Variants in EIF2B3 observed in about 807,000 individuals in gnomAD.
The protein encoded by EIF2B3 is translation initiation factor eIF2B subunit gamma.
A neutral mutation model predicts 54.1 loss-of-function variants in EIF2B3; 20 were observed. That is an observed-to-expected ratio of 0.37 (90% CI 0.26 to 0.54). EIF2B3 has a LOEUF of 0.54. EIF2B3 is among the 20% of genes least tolerant of loss of function. The probability of loss-of-function intolerance (pLI) is 0.86; values close to 1 mark genes in which losing one functional copy is unlikely to be tolerated. For synonymous variants in EIF2B3, 153 were observed against 188.1 expected (o/e 0.81, Z 1.52); for missense variants, 448 against 547.8 (o/e 0.82, Z 1.82).
At chr1:44,968,291 A>G (rs919185367) in intron 3 of EIF2B3, among the ~76,000 whole-genome samples, 3 of 148,844 alleles carry the variant, frequency 2.0e-5, no homozygotes, top group Admixed American at 6.7e-5. Context: ...GCTTGAGCCC[A>G]GGAGGTCAGG....
intron 5 of EIF2B3, among the ~76,000 whole-genome samples, chr1:44,908,575 G>A (rs1450857789): frequency 1.3e-5 from 2 of 152,204 alleles, no homozygotes; most frequent in South Asian, 2.1e-4. Flanking sequence ...CTGATAGAAT[G>A]TTGAGAATGG....
At chr1:44,931,064 A>G (rs1366615897) in intron 4 of EIF2B3, among the ~76,000 whole-genome samples, 2 of 152,202 alleles carry the variant, frequency 1.3e-5, no homozygotes, top group Non-Finnish European at 2.9e-5. Flanking sequence ...CTTCTAACCA[A>G]CAGAACGTGG....
intron 5 of EIF2B3, among the ~76,000 whole-genome samples, chr1:44,899,038 CT>C (rs1178094440): frequency 2.0e-5 from 3 of 152,156 alleles, no homozygotes; most frequent in African/African-American, 7.2e-5. Flanking sequence ...CTAGGCTAAT[CT>C]TGAACTCCCA....
rs1194645004 is a variant in EIF2B3, at chr1:44,919,883, C to CTTTTTTTTTTTTTTT, written c.566+6730_566+6744dup. On this transcript the variant is annotated intron_variant, in intron 5 of 11. Coordinates refer to ENST00000360403, the MANE Select transcript of EIF2B3 (RefSeq NM_020365.5). The stretch of plus-strand genomic sequence containing the variant: ...ACGCATGCGACAACATGCCTGGCTA[C>CTTTTTTTTTTTTTTT]TTTTTTTTTTTTTTTTTTAGTAGAT... Among the ~76,000 whole-genome samples the CTTTTTTTTTTTTTTT allele has an allele frequency of 8.5e-3, 995 of 117,034 alleles. 52 individuals carry two copies. The highest frequency in any genetic ancestry group is 0.013 in the Non-Finnish European group (706 of 54,308). 76.8% of individuals were successfully genotyped at this position (117,034 alleles called of 152,430 possible).
chr1:44,867,482 G>A (rs1001986838), intron 10 of EIF2B3, among the ~76,000 whole-genome samples: 5 of 152,070 alleles, frequency 3.3e-5, no homozygotes, highest in Non-Finnish European at 7.4e-5. Flanking sequence ...AAGCTTTCAA[G>A]CCTCAGCAGC....
chr1:44,926,812 C>G (rs929017324), intron 4 of EIF2B3, 73 bp from the exon 5 acceptor site: 5 of 1,242,548 alleles, frequency 4.0e-6, no homozygotes, highest in Non-Finnish European at 5.8e-6. Flanking sequence ...CCAGGGAACA[C>G]AGTATCTGCT....
intron 4 of EIF2B3, among the ~76,000 whole-genome samples, chr1:44,940,451 T>A (rs1644007669): frequency 6.6e-6 from 1 of 152,058 alleles, no homozygotes; most frequent in African/African-American, 2.4e-5. Flanking sequence ...AAGTATGTTA[T>A]AATCCTAGGA....
chr1:44,869,148 ATAAT>A (rs1323711516), intron 10 of EIF2B3, among the ~76,000 whole-genome samples: 3 of 152,214 alleles, frequency 2.0e-5, no homozygotes, highest in Non-Finnish European at 4.4e-5. Flanking sequence ...AACAACAACA[ATAAT>A]AAATAAATAA....
chr1:44,869,741 T>C (rs549020185), intron 10 of EIF2B3, among the ~76,000 whole-genome samples: 20 of 151,522 alleles, frequency 1.3e-4, no homozygotes, highest in Admixed American at 4.0e-4. Context: ...TCTGGGACTA[T>C]AGGCGCGAGC....
In EIF2B3 at chr1:44,941,436, C is replaced by T. The variant is rs934502303; in HGVS notation, c.454+70G>A. ...AGTAGATTCTTAATAAATGTTTTTT[C>T]AGGGAAAGCATGAGTGAGAATAATA... On this transcript the variant is annotated intron_variant, in intron 4 of 11. Coordinates refer to ENST00000360403, the MANE Select transcript of EIF2B3 (RefSeq NM_020365.5). The T allele has an allele frequency of 1.1e-5, 16 of 1,508,402 alleles. No homozygotes were observed. In the East Asian group the frequency reaches 3.4e-4, roughly 32 times the overall value. 93.4% of individuals were successfully genotyped at this position (1,508,402 alleles called of 1,614,324 possible).
chr1:44,897,923 A>C (rs1656031402), intron 5 of EIF2B3, among the ~76,000 whole-genome samples: 1 of 151,756 alleles, frequency 6.6e-6, no homozygotes, highest in Non-Finnish European at 1.5e-5. Flanking sequence ...TTTAGTAGAG[A>C]TGGGGTTTCA....
intron 8 of EIF2B3, among the ~76,000 whole-genome samples, chr1:44,876,109 G>A (rs1655127622): frequency 6.6e-6 from 1 of 152,200 alleles, no homozygotes; most frequent in South Asian, 2.1e-4. Flanking sequence ...AGGCTGGAGT[G>A]CAGTGGCGTG....
chr1:44,887,608 C>T (rs892465274), intron 6 of EIF2B3, among the ~76,000 whole-genome samples: 1 of 152,202 alleles, frequency 6.6e-6, no homozygotes, highest in African/African-American at 2.4e-5. Flanking sequence ...TACTGATATG[C>T]AGACGCTTCT....
At chr1:44,962,869 T>C (rs1417076529) in intron 3 of EIF2B3, among the ~76,000 whole-genome samples, 1 of 152,194 alleles carries the variant, frequency 6.6e-6, no homozygotes, top group Non-Finnish European at 1.5e-5. Context: ...TGCCTCACAG[T>C]ATAGCAACAA....
At chr1:44,935,004 C>T (rs1643932671) in intron 4 of EIF2B3, among the ~76,000 whole-genome samples, 1 of 152,192 alleles carries the variant, frequency 6.6e-6, no homozygotes, top group South Asian at 2.1e-4. Flanking sequence ...TAAGAGGTGA[C>T]AGCCAAGTAA....
At chr1:44,982,953 A>G (rs926894190) in intron 1 of EIF2B3, among the ~76,000 whole-genome samples, 1 of 152,076 alleles carries the variant, frequency 6.6e-6, no homozygotes, top group African/African-American at 2.4e-5. Flanking sequence ...TATTTTTAGT[A>G]GAGACAGGGT....
chr1:44,932,785 G>A (rs1239881964), intron 4 of EIF2B3, among the ~76,000 whole-genome samples: 1 of 152,070 alleles, frequency 6.6e-6, no homozygotes, highest in South Asian at 2.1e-4. Context: ...ATTTTGAGGG[G>A]ATATGATTTC....
intron 5 of EIF2B3, among the ~76,000 whole-genome samples, chr1:44,919,463 T>C (rs1643692083): frequency 6.6e-6 from 1 of 152,160 alleles, no homozygotes; most frequent in Admixed American, 6.6e-5. Context: ...TTCTTAGTTT[T>C]CTAGGTGCTT....
intron 4 of EIF2B3, among the ~76,000 whole-genome samples, chr1:44,937,884 A>C (rs1643971333): frequency 3.1e-5 from 1 of 32,478 alleles, no homozygotes; most frequent in Non-Finnish European, 5.4e-5. Flanking sequence ...ACTCCGTCTC[A>C]AAAAAAAAAA....
Sources: gnomAD v4.1 joint callset for allele counts (sites outside exome capture counted in the v4.1 genomes callset) on GRCh38, gnomAD v4.1.1 for gene constraint, MANE v1.5 for transcripts, NCBI Gene and HGNC (gene_info 2026-07-23, HGNC 2026-07-21) for gene names.